The following CDH13 variants were observed in gnomAD, a reference collection of about 807,000 sequenced individuals.
CDH13 encodes cadherin-13.
CDH13 carries 24 observed loss-of-function variants against 63.8 expected under a neutral mutation model. The ratio of observed to expected loss-of-function variants is 0.38; its 90% CI spans 0.27 to 0.53. CDH13 has a LOEUF of 0.53. Ranked by LOEUF, CDH13 falls within the 20% of genes least tolerant of loss-of-function variation. CDH13 has a pLI of 0.85. For synonymous variants in CDH13, 503 were observed against 355.3 expected, an observed-to-expected ratio of 1.42 and a Z score of -4.67; for missense variants, 1,049 against 903.1, an observed-to-expected ratio of 1.16 and a Z score of -2.07.
At chr16:83,028,628 A>G (rs1916035012) in intron 2 of CDH13, among the ~76,000 whole-genome samples, 2 of 152,226 alleles carry the variant, frequency 1.3e-5, no homozygotes, top group African/African-American at 2.4e-5. Context: ...CTATACATAC[A>G]TAGCTATGTT....
intron 4 of CDH13, among the ~76,000 whole-genome samples, chr16:83,171,946 A>G (rs1243679530): frequency 6.6e-6 from 1 of 152,098 alleles, no homozygotes; most frequent in East Asian, 1.9e-4. Context: ...CTGCATGGTG[A>G]GATAGCTGGT....
At chr16:83,479,072 C>T (rs1366222364) in intron 6 of CDH13, among the ~76,000 whole-genome samples, 1 of 152,210 alleles carries the variant, frequency 6.6e-6, no homozygotes, top group Non-Finnish European at 1.5e-5. Context: ...AGTCATTCGA[C>T]AGTTTCCCTA....
At chr16:83,570,350 C>G (rs1904460519) in intron 7 of CDH13, among the ~76,000 whole-genome samples, 1 of 152,126 alleles carries the variant, frequency 6.6e-6, no homozygotes, top group East Asian at 1.9e-4. Context: ...ACCTCTCACA[C>G]CTGGTCTCTG....
rs148196757 is a variant in CDH13, at chr16:82,636,966, C to A, written c.45+9829C>A. 2.2e-3 allele frequency among the ~76,000 whole-genome samples: 337 copies of A among 152,272 alleles called. 1 individual carries two copies. The highest frequency in any genetic ancestry group is 7.8e-3 in the African/African-American group (326 of 41,556). ...GCTCACCCCCTCACTCGTGGTATGA[C>A]CTTCAGCAAGCAGCTTGAATGTTTT... On this transcript the variant is annotated intron_variant, in intron 1 of 13. Transcript: ENST00000567109.
chr16:83,108,974 C>T (rs1457666987), intron 3 of CDH13, among the ~76,000 whole-genome samples: 1 of 152,180 alleles, frequency 6.6e-6, no homozygotes, highest in Non-Finnish European at 1.5e-5. Context: ...CCCTGCCTCA[C>T]TTCCTCATTC....
chr16:82,847,275 C>T (rs2039301500), intron 1 of CDH13, among the ~76,000 whole-genome samples: 1 of 152,186 alleles, frequency 6.6e-6, no homozygotes, highest in Non-Finnish European at 1.5e-5. Flanking sequence ...TAGTATTGTA[C>T]AGTTTTGAAT....
At chr16:83,635,803 A>G (rs574619366) in intron 8 of CDH13, among the ~76,000 whole-genome samples, 2 of 152,196 alleles carry the variant, frequency 1.3e-5, no homozygotes, top group East Asian at 3.9e-4. Flanking sequence ...AAAGTTTTTA[A>G]TTTCATGCAA....
At chr16:82,709,329 C>T (rs1246626172) in intron 1 of CDH13, among the ~76,000 whole-genome samples, 1 of 152,034 alleles carries the variant, frequency 6.6e-6, no homozygotes. Flanking sequence ...TGTTTCATGC[C>T]ACAGGAATAA....
chr16:83,037,032 C>T (rs1044201564), intron 3 of CDH13, among the ~76,000 whole-genome samples: 2 of 152,120 alleles, frequency 1.3e-5, no homozygotes, highest in African/African-American at 2.4e-5. Context: ...AGCTATGGAG[C>T]CACTGTAGGT....
intron 4 of CDH13, among the ~76,000 whole-genome samples, chr16:83,128,469 C>G (rs887270988): frequency 6.6e-6 from 1 of 152,222 alleles, no homozygotes; most frequent in African/African-American, 2.4e-5. Context: ...CTGAAATGCA[C>G]TTTCTCCTCC....
At chr16:83,443,719 AAAAAAAAAAAAAAAAAATATATAT>A (rs58177969) in intron 6 of CDH13, among the ~76,000 whole-genome samples, 2,962 of 90,078 alleles carry the variant, frequency 0.033, 111 homozygotes, top group Admixed American at 0.078. Flanking sequence ...AAAAAAAAAA[AAAAAAAAAAAAAAAAAATATATAT>A]ATATATATAT....
At chr16:83,350,758 C>T (rs893139112) in intron 6 of CDH13, among the ~76,000 whole-genome samples, 3 of 152,146 alleles carry the variant, frequency 2.0e-5, no homozygotes, top group Admixed American at 6.5e-5. Context: ...AGGCTCATCT[C>T]GGGAGGGGCC....
intron 2 of CDH13, among the ~76,000 whole-genome samples, chr16:82,917,796 T>C (rs1291307821): frequency 1.3e-5 from 2 of 151,774 alleles, no homozygotes; most frequent in African/African-American, 2.4e-5. Flanking sequence ...GCGCCTGTTA[T>C]CTCAGATACT....
intron 3 of CDH13, among the ~76,000 whole-genome samples, chr16:83,104,280 C>T (rs1052183274): frequency 3.9e-5 from 6 of 152,088 alleles, no homozygotes; most frequent in African/African-American, 1.4e-4. Flanking sequence ...TCAAAGAACA[C>T]AGTAATCAAT....
chr16:82,745,001 G>C (rs1163890337), intron 1 of CDH13, among the ~76,000 whole-genome samples: 1 of 152,146 alleles, frequency 6.6e-6, no homozygotes, highest in Non-Finnish European at 1.5e-5. Flanking sequence ...CCAGTACGGA[G>C]AGCGGTGAAT....
intron 2 of CDH13, among the ~76,000 whole-genome samples, chr16:82,885,478 TCCACCCA>T (rs2040855702): frequency 9.8e-6 from 1 of 101,976 alleles, no homozygotes; most frequent in African/African-American, 3.9e-5. Flanking sequence ...CATCCATCCA[TCCACCCA>T]TCCATCCATC....
chr16:83,050,845 T>A (rs12446529), intron 3 of CDH13, among the ~76,000 whole-genome samples: 8,205 of 152,218 alleles, frequency 0.054, 415 homozygotes, highest in Admixed American at 0.17. Context: ...GCACGGTTTC[T>A]TGCAGTGCCA....
At chr16:82,936,421 C>G (rs1030653775) in intron 2 of CDH13, among the ~76,000 whole-genome samples, 1 of 152,090 alleles carries the variant, frequency 6.6e-6, no homozygotes, top group East Asian at 1.9e-4. Context: ...AATGTAATGC[C>G]TGATGATCTG....
At chr16:83,292,764 C>T (rs1024858922) in intron 5 of CDH13, among the ~76,000 whole-genome samples, 1 of 152,138 alleles carries the variant, frequency 6.6e-6, no homozygotes, top group African/African-American at 2.4e-5. Flanking sequence ...TTCAGAAAAT[C>T]AGTGTTATAA....
Sources: gnomAD v4.1 joint callset for allele counts (sites outside exome capture counted in the v4.1 genomes callset) on GRCh38, gnomAD v4.1.1 for gene constraint, MANE v1.5 for transcripts, NCBI Gene and HGNC (gene_info 2026-07-23, HGNC 2026-07-21) for gene names.